Variants in MACROD2 observed in about 807,000 individuals in gnomAD.
The protein encoded by MACROD2 is ADP-ribose glycohydrolase MACROD2.
Under a neutral mutation model 70.4 loss-of-function variants are expected in MACROD2, and 36 were observed. The observed-to-expected ratio is 0.51, with a 90% CI of 0.39 to 0.68. The LOEUF is 0.68. Among genes scored for constraint, MACROD2 ranks in the 30% least tolerant of loss-of-function variants. The pLI, the probability that MACROD2 is intolerant of heterozygous loss-of-function variation, is 0.00. For missense variants in MACROD2, 496 were observed against 538.4 expected (o/e 0.92, Z 0.78); for synonymous variants, 172 against 178.8 (o/e 0.96, Z 0.30).
At chr20:14,203,833 G>A (rs1009379718) in intron 3 of MACROD2, among the ~76,000 whole-genome samples, 6 of 152,184 alleles carry the variant, frequency 3.9e-5, no homozygotes, top group African/African-American at 1.4e-4. Context: ...GTGGTGGCAG[G>A]TCCAGGTGGG....
At chr20:14,456,397 T>C (rs2084302706) in intron 3 of MACROD2, among the ~76,000 whole-genome samples, 1 of 151,840 alleles carries the variant, frequency 6.6e-6, no homozygotes, top group African/African-American at 2.4e-5. Context: ...CTAAAAGCAA[T>C]TCAGATACTT....
intron 2 of MACROD2, among the ~76,000 whole-genome samples, chr20:14,061,816 A>G (rs1346777273): frequency 1.3e-5 from 2 of 152,160 alleles, no homozygotes; most frequent in Non-Finnish European, 2.9e-5. Context: ...CTTTCTGTGA[A>G]TATGTGCATA....
rs185120275 is a variant in MACROD2, at chr20:14,021,486, C to A, written c.163+19082C>A. Among the ~76,000 whole-genome samples, 25 of 152,198 alleles carry A rather than the reference C, an allele frequency of 1.6e-4. No individual in the cohort carries two copies. The East Asian group carries it at 4.4e-3, about 27-fold the overall frequency. On this transcript the variant is annotated intron_variant, in intron 2 of 17. Coordinates refer to ENST00000684519, the MANE Select transcript of MACROD2 (RefSeq NM_001351661.2). ...AAGTCTTACTCAGGCCTTTAGGTAT[C>A]CCCCAGAAGGGTTAGAACTACAAAG...
chr20:16,003,964 C>G (rs989682410), intron 15 of MACROD2, among the ~76,000 whole-genome samples: 23 of 152,218 alleles, frequency 1.5e-4, no homozygotes, highest in African/African-American at 4.8e-4. Flanking sequence ...CCACCGTGCC[C>G]GGCCAAAATT....
intron 5 of MACROD2, among the ~76,000 whole-genome samples, chr20:15,102,785 C>T (rs1021687213): frequency 4.0e-5 from 6 of 151,810 alleles, no homozygotes; most frequent in African/African-American, 1.5e-4. Context: ...TTAGAAACAA[C>T]CCAAATGTGG....
intron 3 of MACROD2, among the ~76,000 whole-genome samples, chr20:14,365,388 ATAAT>A (rs1555785555): frequency 6.6e-6 from 1 of 151,184 alleles, no homozygotes; most frequent in Non-Finnish European, 1.5e-5. Context: ...ATTGTTATAA[ATAAT>A]TATATAATAA....
intron 5 of MACROD2, among the ~76,000 whole-genome samples, chr20:15,085,870 C>T (rs889487442): frequency 3.6e-5 from 4 of 109,880 alleles, no homozygotes; most frequent in African/African-American, 1.4e-4. Context: ...CACACACACA[C>T]ACAACACACA....
At chr20:15,919,592 G>T (rs538477553) in intron 10 of MACROD2, among the ~76,000 whole-genome samples, 1 of 152,116 alleles carries the variant, frequency 6.6e-6, no homozygotes, top group South Asian at 2.1e-4. Context: ...AGAAATTAGC[G>T]GGTGTGGTGG....
At chr20:16,046,692 T>C (rs923639616) in intron 17 of MACROD2, among the ~76,000 whole-genome samples, 1 of 146,326 alleles carries the variant, frequency 6.8e-6, no homozygotes, top group African/African-American at 2.5e-5. Context: ...TTTTTTTTTT[T>C]TTTTTTGAGA....
chr20:15,520,267 T>C (rs1334231710), intron 8 of MACROD2, among the ~76,000 whole-genome samples: 1 of 152,234 alleles, frequency 6.6e-6, no homozygotes, highest in African/African-American at 2.4e-5. Flanking sequence ...AAGTTCCACA[T>C]GGATGTCAGG....
At chr20:15,835,224 C>A (rs1264487446) in intron 8 of MACROD2, among the ~76,000 whole-genome samples, 2 of 150,946 alleles carry the variant, frequency 1.3e-5, no homozygotes, top group African/African-American at 2.4e-5. Flanking sequence ...TTCCAAATTC[C>A]TATAGAAACT....
At chr20:14,686,047 A>G (rs1271412091) in intron 5 of MACROD2, among the ~76,000 whole-genome samples, 1 of 152,146 alleles carries the variant, frequency 6.6e-6, no homozygotes, top group Non-Finnish European at 1.5e-5. Flanking sequence ...TTCTTTATCA[A>G]TATAATATTG....
chr20:14,125,381 G>C (rs896488666), intron 3 of MACROD2, among the ~76,000 whole-genome samples: 1 of 152,128 alleles, frequency 6.6e-6, no homozygotes, highest in Non-Finnish European at 1.5e-5. Flanking sequence ...ACAGCCACTT[G>C]CTCCCTTCAT....
intron 7 of MACROD2, among the ~76,000 whole-genome samples, chr20:15,497,473 G>A (rs992055371): frequency 6.6e-6 from 1 of 152,102 alleles, no homozygotes; most frequent in South Asian, 2.1e-4. Context: ...TGTATTTTTA[G>A]TAGAGATGGG....
At chr20:15,723,032 G>A (rs548802850) in intron 8 of MACROD2, among the ~76,000 whole-genome samples, 2 of 152,144 alleles carry the variant, frequency 1.3e-5, no homozygotes, top group South Asian at 4.1e-4. Flanking sequence ...CTCTGTTTCA[G>A]TCCTTACATC....
chr20:15,621,412 G>T (rs1164908622), intron 8 of MACROD2, among the ~76,000 whole-genome samples: 1 of 152,070 alleles, frequency 6.6e-6, no homozygotes, highest in East Asian at 1.9e-4. Context: ...AGAAAACTTT[G>T]CTCAGGACAT....
intron 4 of MACROD2, among the ~76,000 whole-genome samples, chr20:14,560,165 G>T (rs1180771391): frequency 1.3e-5 from 2 of 151,700 alleles, no homozygotes; most frequent in African/African-American, 2.4e-5. Flanking sequence ...TTTCTATAGA[G>T]ACCTTTTAAA....
At chr20:14,394,634 T>C (rs1405137215) in intron 3 of MACROD2, among the ~76,000 whole-genome samples, 2 of 152,196 alleles carry the variant, frequency 1.3e-5, no homozygotes, top group Non-Finnish European at 1.5e-5. Context: ...CAATGCTGAA[T>C]AGCAGCGGTG....
intron 6 of MACROD2, among the ~76,000 whole-genome samples, chr20:15,392,870 A>G (rs1486340239): frequency 1.3e-5 from 2 of 151,930 alleles, no homozygotes; most frequent in Non-Finnish European, 2.9e-5. Flanking sequence ...CTTTTTTAAA[A>G]GAGGAAATTG....
Sources: gnomAD v4.1 joint callset for allele counts (sites outside exome capture counted in the v4.1 genomes callset) on GRCh38, gnomAD v4.1.1 for gene constraint, MANE v1.5 for transcripts, NCBI Gene and HGNC (gene_info 2026-07-23, HGNC 2026-07-21) for gene names.